The following DUSP16 variants were observed in gnomAD, a reference collection of about 807,000 sequenced individuals.
The protein encoded by DUSP16 is dual specificity phosphatase 16.
DUSP16 carries 21 observed loss-of-function variants against 58.3 expected under a neutral mutation model. That is an observed-to-expected ratio of 0.36 (90% CI 0.26 to 0.52). The LOEUF is 0.52. DUSP16 is among the 20% of genes least tolerant of loss of function. The pLI, the probability that DUSP16 is intolerant of heterozygous loss-of-function variation, is 0.94. For synonymous variants in DUSP16, 320 were observed against 323.8 expected, an observed-to-expected ratio of 0.99 and a Z score of 0.12; for missense variants, 726 against 819.0, an observed-to-expected ratio of 0.89 and a Z score of 1.39.
At position 12,476,567 on chromosome 12, in the gene DUSP16, A is replaced by C. The variant is rs1943439958; in HGVS notation, c.*266T>G. 1 of 339,686 alleles carries C rather than the reference A, an allele frequency of 2.9e-6. No individual in the cohort carries two copies. Among genetic ancestry groups the C allele is most frequent in the African/African-American group, 2.1e-5 (1 of 46,778 alleles). The allele number at this position is 339,686 out of a possible 1,614,324, so 21.0% of individuals were successfully genotyped here. A position where few individuals can be genotyped will look rare whatever the true frequency, so the allele number is the denominator to read the frequency against. ...CTTTTTTAAGAACAAGAGGATGTGT[A>C]ATTCACTGAATAAAATGGTTTTCCT... On this transcript the variant is annotated 3_prime_UTR_variant, in exon 7 of 7. Transcript: ENST00000298573.
intron 5 of DUSP16, among the ~76,000 whole-genome samples, chr12:12,481,519 G>A (rs981246555): frequency 2.6e-5 from 4 of 151,990 alleles, no homozygotes; most frequent in Non-Finnish European, 5.9e-5. Flanking sequence ...ATCTTACTTT[G>A]GCAGCTGAAT....
intron 4 of DUSP16, among the ~76,000 whole-genome samples, chr12:12,493,851 C>A (rs1943793962): frequency 6.6e-6 from 1 of 152,208 alleles, no homozygotes; most frequent in Non-Finnish European, 1.5e-5. Flanking sequence ...CTGTTTTCTT[C>A]ATAGCACTCA....
chr12:12,533,170 A>G (rs1198914029), intron 1 of DUSP16, among the ~76,000 whole-genome samples: 1 of 152,240 alleles, frequency 6.6e-6, no homozygotes, highest in African/African-American at 2.4e-5. Context: ...TTATAATACA[A>G]AAGTTTATTT....
chr12:12,503,680 C>T (rs1179568535), intron 3 of DUSP16, among the ~76,000 whole-genome samples: 2 of 152,194 alleles, frequency 1.3e-5, no homozygotes, highest in African/African-American at 4.8e-5. Context: ...AGCTGACAGA[C>T]AGGATAGCGG....
At chr12:12,502,771 G>A (rs1006055493) in intron 3 of DUSP16, among the ~76,000 whole-genome samples, 5 of 151,968 alleles carry the variant, frequency 3.3e-5, no homozygotes, top group Non-Finnish European at 7.4e-5. Flanking sequence ...GGCTGATCTG[G>A]AACTCCTGAC....
intron 1 of DUSP16, among the ~76,000 whole-genome samples, chr12:12,542,450 A>G (rs1420410754): frequency 1.3e-5 from 2 of 151,982 alleles, no homozygotes; most frequent in African/African-American, 4.8e-5. Flanking sequence ...ACAGGAAGTA[A>G]ATCAGCAGTT....
At chr12:12,511,969 G>A (rs1439247346) in intron 3 of DUSP16, among the ~76,000 whole-genome samples, 1 of 152,106 alleles carries the variant, frequency 6.6e-6, no homozygotes, top group African/African-American at 2.4e-5. Context: ...ATCAGGATGG[G>A]GAACCAAAGG....
At chr12:12,519,423 T>A (rs1944198179) in intron 3 of DUSP16, among the ~76,000 whole-genome samples, 1 of 152,238 alleles carries the variant, frequency 6.6e-6, no homozygotes, top group African/African-American at 2.4e-5. Flanking sequence ...ATAAGGCTTA[T>A]CTCTGGAGTC....
chr12:12,499,504 G>T lies in DUSP16; in HGVS notation c.531+1015C>A, dbSNP rs112680888. On this transcript the variant is annotated intron_variant, in intron 4 of 6. Coordinates refer to ENST00000298573, the MANE Select transcript of DUSP16 (RefSeq NM_030640.3). Reference sequence around the variant, plus strand: ...TTTAAACATACACACACTCACAAAAGAATGCCTTATTGCTACCCAATGACC... The same window carrying T: ...TTTAAACATACACACACTCACAAAATAATGCCTTATTGCTACCCAATGACC... Among the ~76,000 whole-genome samples the T allele has an allele frequency of 1.9e-3, 294 of 152,208 alleles. 2 individuals carry two copies. Among genetic ancestry groups the T allele is most frequent in the African/African-American group, 6.5e-3 (268 of 41,500 alleles).
intron 3 of DUSP16, among the ~76,000 whole-genome samples, chr12:12,515,667 G>A (rs1055359674): frequency 1.3e-5 from 2 of 151,668 alleles, no homozygotes; most frequent in African/African-American, 2.4e-5. Context: ...GGGGGTTGTG[G>A]GGAAGATATG....
At chr12:12,512,837 G>T (rs1268877137) in intron 3 of DUSP16, among the ~76,000 whole-genome samples, 2 of 152,006 alleles carry the variant, frequency 1.3e-5, no homozygotes, top group Admixed American at 6.6e-5. Flanking sequence ...AGTTCTACAG[G>T]ATTCGAAATG....
At chr12:12,488,804 C>T (rs1014292460) in intron 4 of DUSP16, among the ~76,000 whole-genome samples, 1 of 152,134 alleles carries the variant, frequency 6.6e-6, no homozygotes, top group Admixed American at 6.6e-5. Context: ...AGCAGCCGGG[C>T]GCAGTGACTC....
chr12:12,524,855 T>C (rs1566024429), intron 1 of DUSP16, among the ~76,000 whole-genome samples: 1 of 152,198 alleles, frequency 6.6e-6, no homozygotes, highest in African/African-American at 2.4e-5. Context: ...GTACAGTTTA[T>C]TGTGTCACTT....
chr12:12,537,292 C>T (rs1944480941), intron 1 of DUSP16, among the ~76,000 whole-genome samples: 1 of 152,156 alleles, frequency 6.6e-6, no homozygotes, highest in African/African-American at 2.4e-5. Context: ...ATTCATCCAA[C>T]AGTGACTATA....
chr12:12,508,559 A>G (rs1944030245), intron 3 of DUSP16, among the ~76,000 whole-genome samples: 2 of 152,172 alleles, frequency 1.3e-5, no homozygotes, highest in Admixed American at 1.3e-4. Flanking sequence ...AAAAATCCCA[A>G]ATGATCTAAA....
At chr12:12,506,371 T>C (rs1482521318) in intron 3 of DUSP16, among the ~76,000 whole-genome samples, 2 of 152,228 alleles carry the variant, frequency 1.3e-5, no homozygotes, top group African/African-American at 4.8e-5. Context: ...AACTTTGTTG[T>C]CCCAGGGACT....
intron 3 of DUSP16, among the ~76,000 whole-genome samples, chr12:12,509,300 G>A (rs1202887361): frequency 6.6e-6 from 1 of 152,088 alleles, no homozygotes; most frequent in Non-Finnish European, 1.5e-5. Context: ...AATCCATTTT[G>A]TATTTCCTTC....
chr12:12,525,875 G>A (rs1328444137), intron 1 of DUSP16, among the ~76,000 whole-genome samples: 2 of 151,984 alleles, frequency 1.3e-5, no homozygotes, highest in Non-Finnish European at 2.9e-5. Flanking sequence ...CAGCTGGCCT[G>A]TTTTATGACA....
intron 3 of DUSP16, among the ~76,000 whole-genome samples, chr12:12,503,152 ATTAG>A (rs1338850941): frequency 2.0e-5 from 3 of 151,888 alleles, no homozygotes; most frequent in Non-Finnish European, 2.9e-5. Flanking sequence ...TGTTGAGATA[ATTAG>A]TTAGTATATC....
Sources: allele counts gnomAD v4.1 joint callset (sites outside exome capture counted in the v4.1 genomes callset), GRCh38; gene constraint gnomAD v4.1.1; transcripts MANE v1.5; gene names NCBI Gene and HGNC (gene_info 2026-07-23, HGNC 2026-07-21).